Variants in SCN10A observed in about 807,000 individuals in gnomAD.
SCN10A encodes the protein sodium voltage-gated channel alpha subunit 10.
A neutral mutation model predicts 170.7 loss-of-function variants in SCN10A; 162 were observed. The observed-to-expected ratio is 0.95, with a 90% CI of 0.84 to 1.08. The LOEUF is 1.08. Ranked by LOEUF, SCN10A falls within the 50% of genes least tolerant of loss-of-function variation. The pLI is 0.00. For missense variants in SCN10A, 2,527 were observed against 2,436.9 expected, an observed-to-expected ratio of 1.04 and a Z score of -0.78; for synonymous variants, 985 against 904.6, an observed-to-expected ratio of 1.09 and a Z score of -1.59.
chr3:38,793,183 T>C (rs1044821752), intron 2 of SCN10A, among the ~76,000 whole-genome samples: 3 of 152,116 alleles, frequency 2.0e-5, no homozygotes, highest in Non-Finnish European at 4.4e-5. Flanking sequence ...AGTGATGACA[T>C]CATCCCCCAT....
intron 25 of SCN10A, among the ~76,000 whole-genome samples, chr3:38,709,111 C>T (rs2063243029): frequency 6.6e-6 from 1 of 152,092 alleles, no homozygotes; most frequent in Non-Finnish European, 1.5e-5. Flanking sequence ...TCCTGAGGTG[C>T]CCTGACTCAG....
Position 38,718,877 on chromosome 3 carries a change from T to C in SCN10A, c.3508-51A>G, listed in dbSNP as rs755746264. Reference sequence around the variant, plus strand: ...GGCAGGCTGCCTGGACCCACAGCACTGGGGCCCAGACTGATAGGGAAGGAC... The same window carrying C: ...GGCAGGCTGCCTGGACCCACAGCACCGGGGCCCAGACTGATAGGGAAGGAC... On this transcript the variant is annotated intron_variant, in intron 20 of 27. Coordinates refer to ENST00000449082, the MANE Select transcript of SCN10A (RefSeq NM_006514.4). The C allele has an allele frequency of 3.2e-6, 5 of 1,577,958 alleles. 1 individual carries two copies. The South Asian group carries it at 5.7e-5, about 18-fold the overall frequency.
chr3:38,725,570 AT>A (rs1413900314), intron 17 of SCN10A, among the ~76,000 whole-genome samples: 1 of 152,204 alleles, frequency 6.6e-6, no homozygotes, highest in South Asian at 2.1e-4. Flanking sequence ...TCTAATCTTC[AT>A]TTTTCCCAGC....
chr3:38,791,797 A>T (rs1277154503), intron 3 of SCN10A, among the ~76,000 whole-genome samples: 1 of 152,188 alleles, frequency 6.6e-6, no homozygotes, highest in Non-Finnish European at 1.5e-5. Flanking sequence ...GTGCATCCAC[A>T]GGTGTGTCTA....
At position 38,802,985 on chromosome 3, in the gene SCN10A, C is replaced by A. The variant is rs1392551857; in HGVS notation, c.-32-8943G>T. 2.0e-5 allele frequency among the ~76,000 whole-genome samples: 3 copies of A among 152,086 alleles called. No homozygotes were observed. In the East Asian group the frequency reaches 5.8e-4, roughly 29 times the overall value. ...ACAAACAACCCCATCAAAAAGTGGG[C>A]AAAGGATATGAACAGATACTTCTCA... On this transcript the variant is annotated intron_variant, in intron 1 of 27. Transcript: ENST00000449082.
intron 4 of SCN10A, among the ~76,000 whole-genome samples, chr3:38,782,847 T>G (rs1047174085): frequency 6.6e-6 from 1 of 152,122 alleles, no homozygotes; most frequent in African/African-American, 2.4e-5. Context: ...AAACATAAAT[T>G]AATTATTTTA....
intron 20 of SCN10A, among the ~76,000 whole-genome samples, chr3:38,719,889 C>T (rs529406007): frequency 2.6e-5 from 4 of 152,342 alleles, no homozygotes; most frequent in East Asian, 1.9e-4. Flanking sequence ...CTGGGAGTGT[C>T]GGCTGCTAAT....
At chr3:38,719,281 G>C (rs997821258) in intron 20 of SCN10A, among the ~76,000 whole-genome samples, 1 of 148,052 alleles carries the variant, frequency 6.8e-6, no homozygotes, top group African/African-American at 2.5e-5. Context: ...ATTAAAAGAA[G>C]ATGCTGTTTT....
chr3:38,764,951 A>G lies in SCN10A; in HGVS notation c.600-1355T>C, dbSNP rs1226523819. Among the ~76,000 whole-genome samples the G allele has an allele frequency of 3.3e-5, 5 of 152,188 alleles. No individual in the cohort carries two copies. The East Asian group carries it at 9.6e-4, about 29-fold the overall frequency. On this transcript the variant is annotated intron_variant, in intron 5 of 27. Coordinates refer to ENST00000449082, the MANE Select transcript of SCN10A (RefSeq NM_006514.4). ...TGTGGTTTTAATTTGCATTTCCCTG[A>G]TAATTAATGATGTTGAGCATTTTTT...
intron 26 of SCN10A, among the ~76,000 whole-genome samples, chr3:38,706,185 CT>C (rs1428361871): frequency 1.3e-5 from 2 of 152,116 alleles, no homozygotes; most frequent in African/African-American, 4.8e-5. Flanking sequence ...TCACTTTTTT[CT>C]CTTGTAAATG....
intron 1 of SCN10A, among the ~76,000 whole-genome samples, chr3:38,815,547 CA>C (rs1454172393): frequency 6.6e-6 from 1 of 152,194 alleles, no homozygotes; most frequent in Non-Finnish European, 1.5e-5. Context: ...GAGTTTAGGA[CA>C]AAACGTCTTG....
rs2064246492 is a variant in SCN10A, at chr3:38,789,068, T to C, written c.390-32A>G. 14 of 1,261,586 alleles carry C rather than the reference T, an allele frequency of 1.1e-5. No individual in the cohort carries two copies. In the Middle Eastern group the frequency reaches 9.3e-4, roughly 84 times the overall value. 78.1% of individuals were successfully genotyped at this position (1,261,586 alleles called of 1,614,324 possible). On this transcript the variant is annotated intron_variant, in intron 3 of 27. Transcript: ENST00000449082. Reference sequence around the variant, plus strand: ...GGCCTGTGTTAAGGAAAAGCTGAGATCACCAAGTCTCTGTGATGTCATCTA... The same window carrying C: ...GGCCTGTGTTAAGGAAAAGCTGAGACCACCAAGTCTCTGTGATGTCATCTA...
chr3:38,743,721 T>A (rs2063657805), intron 13 of SCN10A, among the ~76,000 whole-genome samples: 1 of 152,216 alleles, frequency 6.6e-6, no homozygotes. Context: ...TCACTTTCTG[T>A]TTTTGTCTCC....
At chr3:38,714,626 C>T (rs532696447) in intron 21 of SCN10A, among the ~76,000 whole-genome samples, 6 of 152,168 alleles carry the variant, frequency 3.9e-5, no homozygotes, top group Non-Finnish European at 7.4e-5. Flanking sequence ...GTACTTTCAC[C>T]CTTTGTAAAA....
In SCN10A at chr3:38,756,827, G is replaced by A. The variant is rs780601275; in HGVS notation, c.1137C>T (p.Leu379=). ...SGKIYMIFFV[L]VIFLGSFYLV... is the part of the protein sequence containing the mutation. ...GGTAGAAAGATCCCAGGAAGATTACGAGCACAAAAAAGATCATATAGATTT... is the reference window on the plus strand; with the variant it reads ...GGTAGAAAGATCCCAGGAAGATTACAAGCACAAAAAAGATCATATAGATTT... The change falls in exon 10 of 28, where the codon CTC becomes CTT. Residue 379 remains leucine, a synonymous_variant. Transcript: ENST00000449082. 46 of 1,613,994 alleles carry A rather than the reference G, an allele frequency of 2.9e-5. No individual in the cohort carries two copies. The highest frequency in any genetic ancestry group is 1.7e-4 in the Admixed American group (10 of 59,994).
Position 38,697,712 on chromosome 3 carries a change from T to G in SCN10A, c.5508A>C (p.Lys1836Asn), listed in dbSNP as rs1214809165. 2.5e-6 allele frequency: 4 copies of G among 1,614,014 alleles called. No homozygotes were observed. The highest frequency in any genetic ancestry group is 2.7e-5 in the African/African-American group (2 of 74,902). The part of the protein sequence containing the change: ...EEKFMATNLS[K>N]SSYEPIATTL... ...TGGTTGCTATTGGTTCATAGGATGA[T>G]TTTGAAAGATTAGTTGCCATAAACT... The change falls in exon 28 of 28, where the codon AAA becomes AAC. Residue 1836 changes from lysine to asparagine, a missense_variant. Coordinates refer to ENST00000449082, the MANE Select transcript of SCN10A (RefSeq NM_006514.4).
chr3:38,752,339 C>A lies in SCN10A; in HGVS notation c.1635G>T (p.Gln545His). The A allele has an allele frequency of 6.2e-7, 1 of 1,613,284 alleles. No individual in the cohort carries two copies. The highest frequency in any genetic ancestry group is 8.5e-7 in the Non-Finnish European group (1 of 1,179,664). Reference sequence around the variant, plus strand: ...GAGGGCTTCTAGGGAGGGGGCCTTGCTGGCCAGCACCCCCACCCAGCAGCA... The same window carrying A: ...GAGGGCTTCTAGGGAGGGGGCCTTGATGGCCAGCACCCCCACCCAGCAGCA... ...GSLLLGGGAG[Q>H]QGPLPRSPLP... Residue 545 changes from glutamine (Q) to histidine (H), a missense_variant, in exon 12 of 28, where the codon CAG (glutamine) becomes CAT (histidine). Coordinates refer to ENST00000449082, the MANE Select transcript of SCN10A (RefSeq NM_006514.4).
chr3:38,762,685 G>A (rs968200617), intron 6 of SCN10A, among the ~76,000 whole-genome samples: 3 of 152,070 alleles, frequency 2.0e-5, no homozygotes, highest in Admixed American at 6.6e-5. Context: ...TGAAGGGGCA[G>A]GACCAGGGCT....
At chr3:38,710,099 G>A (rs921612600) in intron 24 of SCN10A, among the ~76,000 whole-genome samples, 3 of 152,192 alleles carry the variant, frequency 2.0e-5, no homozygotes, top group Non-Finnish European at 2.9e-5. Context: ...GGAATTGACA[G>A]TGCCTGCCAC....
Sources: gnomAD v4.1 joint callset for allele counts (sites outside exome capture counted in the v4.1 genomes callset) on GRCh38, gnomAD v4.1.1 for gene constraint, MANE v1.5 for transcripts, NCBI Gene and HGNC (gene_info 2026-07-23, HGNC 2026-07-21) for gene names.